ZNF652: variants seen among roughly 807,000 people sequenced by gnomAD.
The protein encoded by ZNF652 is zinc finger protein 652.
Under a neutral mutation model 45.2 loss-of-function variants are expected in ZNF652, and 16 were observed. The ratio of observed to expected loss-of-function variants is 0.35; its 90% CI spans 0.24 to 0.54. ZNF652 has a LOEUF of 0.54. Among genes scored for constraint, ZNF652 ranks in the 20% least tolerant of loss-of-function variants. The probability of loss-of-function intolerance (pLI) is 0.91; values close to 1 mark genes in which losing one functional copy is unlikely to be tolerated. For missense variants in ZNF652, 614 were observed against 765.6 expected (o/e 0.80, Z 2.34); for synonymous variants, 250 against 260.6 (o/e 0.96, Z 0.39).
chr17:49,312,322 C>T (rs893197248), intron 3 of ZNF652, among the ~76,000 whole-genome samples: 17 of 151,972 alleles, frequency 1.1e-4, no homozygotes, highest in Admixed American at 2.6e-4. Flanking sequence ...TGCGCCACCA[C>T]GCCCAGCTAA....
intron 5 of ZNF652, among the ~76,000 whole-genome samples, chr17:49,306,160 A>G (rs935703881): frequency 2.0e-5 from 3 of 152,210 alleles, no homozygotes; most frequent in Non-Finnish European, 2.9e-5. Flanking sequence ...CTGCTTTTCC[A>G]GTTTGGACAC....
At chr17:49,340,180 C>T (rs1447754418) in intron 1 of ZNF652, among the ~76,000 whole-genome samples, 2 of 152,160 alleles carry the variant, frequency 1.3e-5, no homozygotes, top group East Asian at 1.9e-4. Context: ...TTTAGGAGGC[C>T]GAGGCGGGCG....
At chr17:49,362,263 G>C (rs970702355), upstream of ZNF652, 9 of 137,592 alleles carry the variant, frequency 6.5e-5, no homozygotes, top group Non-Finnish European at 1.3e-4. Flanking sequence ...CGGCGAGGAC[G>C]CGCGCGCCCG....
chr17:49,338,769 TAA>T (rs1231497472), intron 1 of ZNF652, among the ~76,000 whole-genome samples: 2 of 151,962 alleles, frequency 1.3e-5, no homozygotes, highest in African/African-American at 4.8e-5. Flanking sequence ...GGAGACAGGA[TAA>T]ACAGAAAAGA....
chr17:49,353,452 G>A (rs765533015), intron 1 of ZNF652, among the ~76,000 whole-genome samples: 5 of 152,118 alleles, frequency 3.3e-5, no homozygotes, highest in Non-Finnish European at 5.9e-5. Flanking sequence ...TTACAGGTGT[G>A]AGACACTGTA....
chr17:49,344,538 T>G (rs2070184423), intron 1 of ZNF652, among the ~76,000 whole-genome samples: 2 of 109,404 alleles, frequency 1.8e-5, no homozygotes, highest in Admixed American at 8.9e-5. Flanking sequence ...TTTTTTTTTT[T>G]GAGACAGAGT....
intron 1 of ZNF652, among the ~76,000 whole-genome samples, chr17:49,347,030 G>A (rs1366351741): frequency 6.6e-6 from 1 of 152,226 alleles, no homozygotes; most frequent in Non-Finnish European, 1.5e-5. Context: ...ATCTGGCAAA[G>A]ATAGGACAAC....
Position 49,291,004 on chromosome 17 carries a change from GAGA to G in ZNF652, c.*7406_*7408del, listed in dbSNP as rs1448010053. Reference sequence around the variant, plus strand: ...TGCATATTCAAATTTATGGAAGATTGAGAAGAAATCATCCCATTTTCAGAGGCT... The same window carrying G: ...TGCATATTCAAATTTATGGAAGATTGAGAAATCATCCCATTTTCAGAGGCT... On this transcript the variant is annotated 3_prime_UTR_variant, in exon 6 of 6. Coordinates refer to ENST00000430262, the MANE Select transcript of ZNF652 (RefSeq NM_001145365.3). The G allele has an allele frequency of 3.3e-5, 5 of 152,176 alleles. No individual in the cohort carries two copies. The highest frequency in any genetic ancestry group is 1.2e-4 in the African/African-American group (5 of 41,446). The allele number at this position is 152,176 out of a possible 1,614,324, so 9.4% of individuals were successfully genotyped here. A position where few individuals can be genotyped will look rare whatever the true frequency, so the allele number is the denominator to read the frequency against.
rs1258806016 is a variant in ZNF652 at position 49,296,334 on chromosome 17, G to A, written c.*2079C>T. On this transcript the variant is annotated 3_prime_UTR_variant, in exon 6 of 6. Transcript: ENST00000430262. The stretch of plus-strand genomic sequence containing the variant: ...TATATAAGACAGGCAAAATCAGAAG[G>A]AGAAAATTTAGAAACACTAAACCAA... 3 of 152,474 alleles carry A rather than the reference G, an allele frequency of 2.0e-5. No individual in the cohort carries two copies. The highest frequency in any genetic ancestry group is 6.6e-5 in the Admixed American group (1 of 15,256). 9.4% of individuals were successfully genotyped at this position (152,474 alleles called of 1,614,324 possible).
At chr17:49,338,267 T>A (rs1166649738) in intron 1 of ZNF652, among the ~76,000 whole-genome samples, 1 of 151,940 alleles carries the variant, frequency 6.6e-6, no homozygotes, top group Non-Finnish European at 1.5e-5. Flanking sequence ...GATTACAGCG[T>A]CAGCCACTGC....
At chr17:49,339,029 A>G (rs1321609542) in intron 1 of ZNF652, among the ~76,000 whole-genome samples, 2 of 152,120 alleles carry the variant, frequency 1.3e-5, no homozygotes, top group Admixed American at 6.6e-5. Context: ...CTTCATTAGC[A>G]TAATGGTTAA....
At chr17:49,354,234 T>C (rs1439677064) in intron 1 of ZNF652, among the ~76,000 whole-genome samples, 4 of 152,032 alleles carry the variant, frequency 2.6e-5, no homozygotes, top group South Asian at 4.1e-4. Context: ...AGAACCAAAT[T>C]ATATTCTATT....
chr17:49,322,668 G>A (rs1219975719), intron 1 of ZNF652, among the ~76,000 whole-genome samples: 4 of 152,108 alleles, frequency 2.6e-5, no homozygotes, highest in East Asian at 1.9e-4. Context: ...GGCAGATCAC[G>A]AGGTCAGGAG....
rs747951413 is a variant in ZNF652 at position 49,298,733 on chromosome 17, G to A, written c.1501C>T (p.Pro501Ser). Residue 501 changes from proline to serine, a missense_variant, in exon 6 of 6, where the codon CCA becomes TCA. Pro to Ser is a moderately conservative substitution (Grantham distance 74). This residue lies in a region of ZNF652 where 132 missense variants were observed against 137.2 expected (regional missense o/e 0.96). Coordinates refer to ENST00000430262, the MANE Select transcript of ZNF652 (RefSeq NM_001145365.3). ...GTAAGTGGGATCTGGACAGCAGGTG[G>A]CACATTCACGGGGCTGGTCACCCGA... is the stretch of plus-strand genomic sequence containing the variant. ...CFRVTSPVNV[P>S]PAVQIPLTTS... The A allele has an allele frequency of 1.9e-6, 3 of 1,614,106 alleles. No homozygotes were observed. The Admixed American group carries it at 5.0e-5, about 27-fold the overall frequency.
At chr17:49,328,869 G>C (rs2069994265) in intron 1 of ZNF652, among the ~76,000 whole-genome samples, 1 of 152,194 alleles carries the variant, frequency 6.6e-6, no homozygotes, top group Non-Finnish European at 1.5e-5. Flanking sequence ...CTTTCCCGTT[G>C]TCATTGCTGG....
At chr17:49,300,848 G>A (rs902565756) in intron 5 of ZNF652, among the ~76,000 whole-genome samples, 3 of 152,160 alleles carry the variant, frequency 2.0e-5, no homozygotes, top group African/African-American at 7.2e-5. Context: ...GTGACTGTAT[G>A]AGGCAGGTAT....
In ZNF652 at chr17:49,293,168, G is replaced by C. The variant is rs765735054; in HGVS notation, c.*5245C>G. On this transcript the variant is annotated 3_prime_UTR_variant, in exon 6 of 6. Coordinates refer to ENST00000430262, the MANE Select transcript of ZNF652 (RefSeq NM_001145365.3). The stretch of plus-strand genomic sequence containing the variant: ...AACAAAGCAGAAAGAAAGCCACCTT[G>C]TAAGTAGTTTCTTACTACAATACAG... Among the ~76,000 whole-genome samples, 4 of 152,182 alleles carry C rather than the reference G, an allele frequency of 2.6e-5. No individual in the cohort carries two copies. Among genetic ancestry groups the C allele is most frequent in the Admixed American group, 1.3e-4 (2 of 15,270 alleles).
At chr17:49,361,374 G>T (rs1289539433) in intron 1 of ZNF652, among the ~76,000 whole-genome samples, 2 of 152,200 alleles carry the variant, frequency 1.3e-5, no homozygotes, top group African/African-American at 2.4e-5. Flanking sequence ...GGTGGGGGTG[G>T]AGAAAGGTCT....
At chr17:49,337,830 TTTGA>T (rs1299730648) in intron 1 of ZNF652, among the ~76,000 whole-genome samples, 1 of 152,164 alleles carries the variant, frequency 6.6e-6, no homozygotes, top group Non-Finnish European at 1.5e-5. Flanking sequence ...ATTTACAAGC[TTTGA>T]TTATTATCTA....
Sources: allele counts gnomAD v4.1 joint callset (sites outside exome capture counted in the v4.1 genomes callset), GRCh38; gene constraint gnomAD v4.1.1; regional missense constraint gnomAD v4.1.1; transcripts MANE v1.5; gene names NCBI Gene and HGNC (gene_info 2026-07-23, HGNC 2026-07-21).